The following NDUFS1 variants were observed in gnomAD, a reference collection of about 807,000 sequenced individuals.
The protein encoded by NDUFS1 is NADH:ubiquinone oxidoreductase core subunit S1, also known as NADH-ubiquinone oxidoreductase 75 kDa subunit, mitochondrial.
Under a neutral mutation model 84.4 loss-of-function variants are expected in NDUFS1, and 61 were observed. That is an observed-to-expected ratio of 0.72 (90% CI 0.59 to 0.89). The LOEUF (loss-of-function observed/expected upper bound fraction) is 0.89, where lower values mean the gene tolerates loss of function less well. Among genes scored for constraint, NDUFS1 ranks in the 40% least tolerant of loss-of-function variants. NDUFS1 has a pLI of 0.00. For synonymous variants in NDUFS1, 275 were observed against 290.0 expected (o/e 0.95, Z 0.53); for missense variants, 891 against 890.0 (o/e 1.00, Z -0.01).
At chr2:206,142,592 G>C in intron 11 of NDUFS1, 94 bp downstream of exon 11, 1 of 1,461,686 alleles carries the variant, frequency 6.8e-7, no homozygotes, top group Non-Finnish European at 9.5e-7. Flanking sequence ...ATAAACTGGG[G>C]GATATGTTGG....
chr2:206,136,851 G>C (rs908923607), intron 13 of NDUFS1, among the ~76,000 whole-genome samples: 1 of 151,842 alleles, frequency 6.6e-6, no homozygotes, highest in Admixed American at 6.6e-5. Context: ...CACCTCTCAG[G>C]TTCAAGCGAT....
chr2:206,126,716 G>A lies in NDUFS1; in HGVS notation c.2013C>T (p.Leu671=), dbSNP rs1367146577. 8 of 1,614,128 alleles carry A rather than the reference G, an allele frequency of 5.0e-6. No individual in the cohort carries two copies. Among genetic ancestry groups the A allele is most frequent in the Admixed American group, 1.7e-5 (1 of 60,010 alleles). The part of the protein sequence containing the change: ...GANYFQQANE[L]SKLVNQQLLA... ...CTCATAGGCGAGCTGTTACCTTTGA[G>A]AGCTCATTTGCTTGCTGGAAGTAAT... Residue 671 remains leucine, a synonymous_variant, in exon 17 of 19, where the codon CTC becomes CTT. Coordinates refer to ENST00000233190, the MANE Select transcript of NDUFS1 (RefSeq NM_005006.7).
At chr2:206,124,963 T>G (rs1292364273) in intron 18 of NDUFS1, among the ~76,000 whole-genome samples, 1 of 152,040 alleles carries the variant, frequency 6.6e-6, no homozygotes, top group Non-Finnish European at 1.5e-5. Context: ...AATTTTAGGG[T>G]ACATGAATTA....
In NDUFS1 at chr2:206,127,780, T is replaced by C. The variant is rs1254598531; in HGVS notation, c.1884+17A>G. ...TGCCTTTAGTAGCATCACTAAGAAA[T>C]GACTCAGAAATTATACCTCAGAGAG... On this transcript the variant is annotated intron_variant, in intron 16 of 18. Transcript: ENST00000233190. The C allele has an allele frequency of 1.2e-6, 2 of 1,613,298 alleles. No homozygotes were observed. Among genetic ancestry groups the C allele is most frequent in the Non-Finnish European group, 8.5e-7 (1 of 1,179,542 alleles).
chr2:206,158,998 G>C (rs1002046580), intron 1 of NDUFS1: 1 of 1,331,110 alleles, frequency 7.5e-7, no homozygotes, highest in Non-Finnish European at 1.0e-6. Flanking sequence ...CTAAGTCATC[G>C]GACACTGGTC....
chr2:206,140,922 GTATATA>G (rs142969226), intron 12 of NDUFS1, among the ~76,000 whole-genome samples: 1 of 127,968 alleles, frequency 7.8e-6, no homozygotes, highest in African/African-American at 3.1e-5. Context: ...TATGTAGTGT[GTATATA>G]TATATATATA....
chr2:206,147,168 AT>A (rs1692186574), intron 7 of NDUFS1, 80 bp from the exon 8 acceptor site: 32 of 1,392,254 alleles, frequency 2.3e-5, no homozygotes, highest in Non-Finnish European at 2.7e-5. Context: ...CAAAGAGATG[AT>A]TTTCCAAACA....
At chr2:206,156,185 C>T (rs1687644498) in intron 1 of NDUFS1, among the ~76,000 whole-genome samples, 1 of 149,832 alleles carries the variant, frequency 6.7e-6, no homozygotes, top group South Asian at 2.1e-4. Context: ...ATGGCGTGAA[C>T]CCGGGAGGCG....
chr2:206,132,947 A>G lies in NDUFS1; in HGVS notation c.1551T>C (p.His517=). 2 of 1,613,148 alleles carry G rather than the reference A, an allele frequency of 1.2e-6. No homozygotes were observed. The highest frequency in any genetic ancestry group is 1.7e-6 in the Non-Finnish European group (2 of 1,179,192). The change falls in exon 14 of 19, where the codon CAT becomes CAC. Residue 517 remains histidine (H), a splice_region_variant and synonymous_variant. Transcript: ENST00000233190. ...TGDWKVMNIL[H]RIASQVAALD... is the part of the protein sequence containing the mutation. ...TATAAAGCAATTACTCAACAAACCT[A>G]TGAAGGATATTCATAACTTTCCAAT...
At position 206,124,003 on chromosome 2, in the gene NDUFS1, T is replaced by A. The variant is rs750677493; in HGVS notation, c.*182A>T. 2.9e-5 allele frequency: 17 copies of A among 587,608 alleles called. No individual in the cohort carries two copies. Among genetic ancestry groups the A allele is most frequent in the Non-Finnish European group, 5.1e-5 (17 of 333,240 alleles). 36.4% of individuals were successfully genotyped at this position (587,608 alleles called of 1,614,324 possible). Reference sequence around the variant, plus strand: ...TTATTTAACCTTTACACACAATACATGTTTTTCAAACTGCAAAGTTGATAA... The same window carrying A: ...TTATTTAACCTTTACACACAATACAAGTTTTTCAAACTGCAAAGTTGATAA... On this transcript the variant is annotated 3_prime_UTR_variant, in exon 19 of 19. Transcript: ENST00000233190.
chr2:206,157,241 G>A (rs1423251152), intron 1 of NDUFS1, among the ~76,000 whole-genome samples: 1 of 152,164 alleles, frequency 6.6e-6, no homozygotes, highest in Non-Finnish European at 1.5e-5. Context: ...GTGAGTCACC[G>A]CGCCTGGCAG....
intron 12 of NDUFS1, among the ~76,000 whole-genome samples, chr2:206,141,009 AAT>A (rs1373186659): frequency 6.6e-6 from 1 of 151,802 alleles, no homozygotes; most frequent in Non-Finnish European, 1.5e-5. Context: ...CTATGTGAAC[AAT>A]ATACAAAATG....
At position 206,149,019 on chromosome 2, in the gene NDUFS1, C is replaced by T. The variant is rs2105976883; in HGVS notation, c.338+1G>A. ...TACTACATTGAATAACAATAAAGTA[C>T]CTGGCTTTTTTGGATTTTTCTGAGT... On this transcript the variant is annotated splice_donor_variant, in intron 5 of 18. Transcript: ENST00000233190. LOFTEE classifies it high-confidence loss of function. 1 of 1,603,630 alleles carries T rather than the reference C, an allele frequency of 6.2e-7. No individual in the cohort carries two copies. The highest frequency in any genetic ancestry group is 8.5e-7 in the Non-Finnish European group (1 of 1,170,990).
intron 12 of NDUFS1, among the ~76,000 whole-genome samples, chr2:206,139,871 TAAAA>T (rs35564839): frequency 2.9e-5 from 3 of 103,584 alleles, no homozygotes; most frequent in Non-Finnish European, 5.7e-5. Context: ...CTTGTGTTCT[TAAAA>T]AAAAAAAAAA....
chr2:206,154,257 T>C (rs757269117), intron 1 of NDUFS1, among the ~76,000 whole-genome samples: 7 of 152,260 alleles, frequency 4.6e-5, no homozygotes, highest in Non-Finnish European at 1.0e-4. Flanking sequence ...CATTAATTCC[T>C]TGAATTTTTC....
chr2:206,116,282 G>C lies in NDUFS1; in HGVS notation c.*7903C>G. 1 of 957,400 alleles carries C rather than the reference G, an allele frequency of 1.0e-6. No individual in the cohort carries two copies. The allele number at this position is 957,400 out of a possible 1,614,324, so 59.3% of individuals were successfully genotyped here. A position where few individuals can be genotyped will look rare whatever the true frequency, so the allele number is the denominator to read the frequency against. ...TTCATTAATTTCGGTTACTTCTCCT[G>C]ATAAAGGAGAATAGAGTTCACTAGC... is the stretch of plus-strand genomic sequence containing the variant. On this transcript the variant is annotated 3_prime_UTR_variant, in exon 19 of 19. Coordinates refer to ENST00000233190, the MANE Select transcript of NDUFS1 (RefSeq NM_005006.7).
rs1575937872 is a variant in NDUFS1, at chr2:206,123,598, G to C, written c.*587C>G. 1 of 152,364 alleles carries C rather than the reference G, an allele frequency of 6.6e-6. No individual in the cohort carries two copies. Among genetic ancestry groups the C allele is most frequent in the African/African-American group, 2.4e-5 (1 of 41,544 alleles). 9.4% of individuals were successfully genotyped at this position (152,364 alleles called of 1,614,324 possible). On this transcript the variant is annotated 3_prime_UTR_variant, in exon 19 of 19. Transcript: ENST00000233190. ...TATACCTAGGCTTCAGTCTTCATCA[G>C]TAAAATGAGATAATACTACTATCTC...
chr2:206,130,197 C>T lies in NDUFS1; in HGVS notation c.1599G>A (p.Gly533=). 6.2e-7 allele frequency: 1 copy of T among 1,614,162 alleles called. No homozygotes were observed. The highest frequency in any genetic ancestry group is 8.5e-7 in the Non-Finnish European group (1 of 1,180,032). ...GAGGGTTCTTCCGAATTGCTTCCAC[C>T]CCAGGCTTATAGCCAAGGTCCAAAG... ...VAALDLGYKP[G]VEAIRKNPPK... Residue 533 remains glycine (G), a synonymous_variant, in exon 15 of 19, where the codon GGG becomes GGA. Transcript: ENST00000233190.
At chr2:206,140,414 G>A (rs1691891443) in intron 12 of NDUFS1, among the ~76,000 whole-genome samples, 1 of 152,142 alleles carries the variant, frequency 6.6e-6, no homozygotes, top group Non-Finnish European at 1.5e-5. Flanking sequence ...TGAGGCAGGA[G>A]AATTGCTTGA....
Sources: allele counts gnomAD v4.1 joint callset (sites outside exome capture counted in the v4.1 genomes callset), GRCh38; gene constraint gnomAD v4.1.1; transcripts MANE v1.5; gene names NCBI Gene and HGNC (gene_info 2026-07-23, HGNC 2026-07-21).